Variants in ASIC2 observed in about 807,000 individuals in gnomAD.
ASIC2 encodes acid sensing ion channel subunit 2.
A neutral mutation model predicts 57.3 loss-of-function variants in ASIC2; 25 were observed. The observed-to-expected ratio is 0.44, with a 90% CI of 0.32 to 0.61. The LOEUF is 0.61. ASIC2 is among the 20% of genes least tolerant of loss of function. ASIC2 has a pLI of 0.06. For missense variants in ASIC2, 641 were observed against 738.1 expected (o/e 0.87, Z 1.52); for synonymous variants, 319 against 307.5 (o/e 1.04, Z -0.39).
At chr17:33,801,788 A>G (rs1912140447) in intron 1 of ASIC2, among the ~76,000 whole-genome samples, 1 of 152,188 alleles carries the variant, frequency 6.6e-6, no homozygotes. Context: ...ATTAAAAGTA[A>G]GTAAAATCTA....
At chr17:33,384,284 AGGCTAAT>A (rs1909594811) in intron 1 of ASIC2, among the ~76,000 whole-genome samples, 1 of 152,234 alleles carries the variant, frequency 6.6e-6, no homozygotes, top group African/African-American at 2.4e-5. Context: ...TGATTTTGTA[AGGCTAAT>A]GGACAGATTT....
At chr17:33,781,589 G>A (rs184326765) in intron 1 of ASIC2, among the ~76,000 whole-genome samples, 59 of 152,266 alleles carry the variant, frequency 3.9e-4, no homozygotes, top group African/African-American at 1.4e-3. Context: ...AAACCATGAT[G>A]GAAAGGCTTT....
At chr17:33,878,154 G>A (rs1432598422) in intron 1 of ASIC2, among the ~76,000 whole-genome samples, 1 of 152,104 alleles carries the variant, frequency 6.6e-6, no homozygotes, top group Non-Finnish European at 1.5e-5. Flanking sequence ...CACAAAGATG[G>A]GGAAAAAACA....
intron 1 of ASIC2, among the ~76,000 whole-genome samples, chr17:33,561,523 A>C (rs542250699): frequency 6.6e-5 from 10 of 152,342 alleles, no homozygotes; most frequent in South Asian, 2.1e-4. Context: ...GAAACAGAAG[A>C]CTGAACAGAA....
At chr17:33,352,012 G>T (rs944161660) in intron 1 of ASIC2, among the ~76,000 whole-genome samples, 3 of 152,000 alleles carry the variant, frequency 2.0e-5, no homozygotes, top group African/African-American at 7.3e-5. Flanking sequence ...TCTGATGTCT[G>T]CTCCTCAGCC....
At chr17:33,050,390 G>T (rs953712575) in intron 3 of ASIC2, among the ~76,000 whole-genome samples, 2 of 152,108 alleles carry the variant, frequency 1.3e-5, no homozygotes, top group African/African-American at 4.8e-5. Flanking sequence ...TCAAATCCTG[G>T]CTCTGGATGA....
intron 1 of ASIC2, among the ~76,000 whole-genome samples, chr17:34,030,114 T>C (rs1430836781): frequency 9.2e-5 from 14 of 152,202 alleles, no homozygotes; most frequent in Admixed American, 9.2e-4. Flanking sequence ...AAATACAGCA[T>C]TTTTCAAACA....
chr17:33,198,222 A>AT (rs1156424350), intron 1 of ASIC2, among the ~76,000 whole-genome samples: 1 of 152,152 alleles, frequency 6.6e-6, no homozygotes, highest in Non-Finnish European at 1.5e-5. Flanking sequence ...GCATAGGGGC[A>AT]TGCACCTGTA....
At chr17:33,801,884 T>C (rs1407510667) in intron 1 of ASIC2, among the ~76,000 whole-genome samples, 1 of 152,148 alleles carries the variant, frequency 6.6e-6, no homozygotes, top group African/African-American at 2.4e-5. Context: ...AAGCAACTTG[T>C]TTAACTTTCC....
In ASIC2 at chr17:34,102,972, C is replaced by A. The variant is rs539824681; in HGVS notation, c.555+53006G>T. Among the ~76,000 whole-genome samples, 4 of 152,254 alleles carry A rather than the reference C, an allele frequency of 2.6e-5. No individual in the cohort carries two copies. In the East Asian group the frequency reaches 7.7e-4, roughly 29 times the overall value. On this transcript the variant is annotated intron_variant, in intron 1 of 9. Coordinates refer to the ASIC2 transcript ENST00000359872. ...TGAGCTGATATTTCATTGTTCAAGA[C>A]TTTTGCTTACTTTTATTAAATTGTC...
intron 1 of ASIC2, among the ~76,000 whole-genome samples, chr17:33,276,018 T>A (rs1597661975): frequency 6.6e-6 from 1 of 152,118 alleles, no homozygotes; most frequent in East Asian, 1.9e-4. Flanking sequence ...AAATGGCTGG[T>A]CCAGTTTTTC....
intron 1 of ASIC2, among the ~76,000 whole-genome samples, chr17:33,659,920 T>TAAAAA (rs1387636155): frequency 5.8e-5 from 8 of 137,858 alleles, no homozygotes; most frequent in Non-Finnish European, 1.1e-4. Context: ...ATAAATAAAA[T>TAAAAA]AAAAATAAAA....
At chr17:33,735,569 G>A (rs759311639) in intron 1 of ASIC2, among the ~76,000 whole-genome samples, 2 of 152,154 alleles carry the variant, frequency 1.3e-5, no homozygotes, top group African/African-American at 2.4e-5. Flanking sequence ...GGGTTGGCTG[G>A]GAAGTGTCAT....
intron 1 of ASIC2, among the ~76,000 whole-genome samples, chr17:33,908,140 C>T (rs757196298): frequency 6.6e-6 from 1 of 152,162 alleles, no homozygotes; most frequent in Admixed American, 6.5e-5. Context: ...CCTGGAACCC[C>T]CTTTGAGAAA....
At chr17:33,899,074 G>C (rs1053666242) in intron 1 of ASIC2, among the ~76,000 whole-genome samples, 1 of 151,218 alleles carries the variant, frequency 6.6e-6, no homozygotes, top group Non-Finnish European at 1.5e-5. Flanking sequence ...CTTGCAGTGA[G>C]CTGAGATCGC....
Position 33,231,328 on chromosome 17 carries a change from G to T in ASIC2, c.708+60080C>A, listed in dbSNP as rs116156245. 9.1e-3 allele frequency among the ~76,000 whole-genome samples: 1,391 copies of T among 152,310 alleles called. 27 individuals are homozygous for T. The highest frequency in any genetic ancestry group is 0.031 in the African/African-American group (1,292 of 41,558). On this transcript the variant is annotated intron_variant, in intron 1 of 9. Transcript: ENST00000225823. The stretch of plus-strand genomic sequence containing the variant: ...TGTGGGAGTTGGCACCCCTTGGAGA[G>T]GGAATTCCAGATTGCGGGTACCTGG...
rs144168832 is a variant in ASIC2, at chr17:33,610,763, G to A, written c.556-498696C>T. On this transcript the variant is annotated intron_variant, in intron 1 of 9. Transcript: ENST00000359872. ...AATAAAATAATTAACCAGGCGTGGT[G>A]GTACACCTGTAGTACCAGATCCTTG... is the stretch of plus-strand genomic sequence containing the variant. 7.2e-3 allele frequency among the ~76,000 whole-genome samples: 1,100 copies of A among 152,146 alleles called. 18 individuals carry two copies. The highest frequency in any genetic ancestry group is 0.024 in the African/African-American group (1,004 of 41,496).
At chr17:34,038,407 T>A in intron 1 of ASIC2, 1 of 1,612,096 alleles carries the variant, frequency 6.2e-7, no homozygotes, top group East Asian at 2.2e-5. Flanking sequence ...ATTCCCTACA[T>A]GCATGCTTGT....
intron 1 of ASIC2, among the ~76,000 whole-genome samples, chr17:33,927,895 C>T (rs896944109): frequency 6.6e-6 from 1 of 152,094 alleles, no homozygotes; most frequent in Non-Finnish European, 1.5e-5. Context: ...AAATTACAGC[C>T]GTTAACACAT....
Sources: allele counts gnomAD v4.1 joint callset (sites outside exome capture counted in the v4.1 genomes callset), GRCh38; gene constraint gnomAD v4.1.1; transcripts MANE v1.5; gene names NCBI Gene and HGNC (gene_info 2026-07-23, HGNC 2026-07-21).